Variants in MDH1B observed in about 807,000 individuals in gnomAD.
MDH1B encodes the protein putative malate dehydrogenase 1B.
MDH1B carries 60 observed loss-of-function variants against 61.4 expected under a neutral mutation model. The observed-to-expected ratio is 0.98, with a 90% CI of 0.79 to 1.21. MDH1B has a LOEUF of 1.21. Ranked by LOEUF, MDH1B falls within the 50% of genes most tolerant of loss-of-function variation. MDH1B has a pLI of 0.00. For missense variants in MDH1B, 587 were observed against 632.1 expected (o/e 0.93, Z 0.76); for synonymous variants, 236 against 218.7 (o/e 1.08, Z -0.70).
At chr2:206,750,247 T>C (rs1000732735) in intron 6 of MDH1B, among the ~76,000 whole-genome samples, 1 of 151,804 alleles carries the variant, frequency 6.6e-6, no homozygotes, top group Non-Finnish European at 1.5e-5. Flanking sequence ...CTAGTGCTTA[T>C]TGTACAGACA....
chr2:206,739,630 G>T lies in MDH1B; in HGVS notation c.1491C>A (p.Thr497=). The part of the protein sequence containing the change: ...AAEFPNQIPQ[T]TFEKPQSLEF... ...CAAGACTCTGTGGCTTTTCAAAGGT[G>T]GTTTGAGGAATCTGATTTGGAAACT... is the stretch of plus-strand genomic sequence containing the variant. Residue 497 remains threonine, a synonymous_variant, in exon 11 of 12, where the codon ACC becomes ACA. Coordinates refer to ENST00000374412, the MANE Select transcript of MDH1B (RefSeq NM_001039845.3). 1.9e-6 allele frequency: 3 copies of T among 1,613,952 alleles called. No homozygotes were observed. The highest frequency in any genetic ancestry group is 2.7e-5 in the African/African-American group (2 of 75,042).
At position 206,742,023 on chromosome 2, in the gene MDH1B, G is replaced by A. The variant is rs534589441; in HGVS notation, c.1409-919C>T. Reference sequence around the variant, plus strand: ...TAGTGACTCTATACATAATACCTTTGACCATATGTGGTGAACAAAGGAACA... The same window carrying A: ...TAGTGACTCTATACATAATACCTTTAACCATATGTGGTGAACAAAGGAACA... On this transcript the variant is annotated intron_variant, in intron 9 of 11. Coordinates refer to ENST00000374412, the MANE Select transcript of MDH1B (RefSeq NM_001039845.3). 6.0e-5 allele frequency among the ~76,000 whole-genome samples: 9 copies of A among 149,480 alleles called. No individual in the cohort carries two copies. The South Asian group carries it at 1.7e-3, about 28-fold the overall frequency.
At chr2:206,760,661 G>A (rs966641201) in intron 2 of MDH1B, among the ~76,000 whole-genome samples, 1 of 152,144 alleles carries the variant, frequency 6.6e-6, no homozygotes, top group East Asian at 1.9e-4. Context: ...TCTTCAGGGG[G>A]TGCAGTCAAA....
intron 5 of MDH1B, 125 bp from the exon 6 acceptor site, chr2:206,751,200 T>A (rs574081791): frequency 3.1e-6 from 2 of 648,610 alleles, no homozygotes; most frequent in East Asian, 5.8e-5. Flanking sequence ...ATAAAATGAA[T>A]CTAGGTTTAT....
At chr2:206,756,726 AAC>A (rs143716443) in intron 4 of MDH1B, 170 bp downstream of exon 4, 464 of 631,442 alleles carry the variant, frequency 7.3e-4, no homozygotes, top group South Asian at 1.0e-3. Context: ...GGAGGATACA[AAC>A]ACACACACAC....
Position 206,739,632 on chromosome 2 carries a change from T to C in MDH1B, c.1489A>G (p.Thr497Ala). The C allele has an allele frequency of 6.2e-7, 1 of 1,614,000 alleles. No individual in the cohort carries two copies. Among genetic ancestry groups the C allele is most frequent in the Non-Finnish European group, 8.5e-7 (1 of 1,179,946 alleles). The change falls in exon 11 of 12, where the codon ACC (threonine) becomes GCC (alanine). Residue 497 changes from threonine (T) to alanine (A), a missense_variant. Thr to Ala is a moderately conservative substitution (Grantham distance 58, BLOSUM62 0). Coordinates refer to ENST00000374412, the MANE Select transcript of MDH1B (RefSeq NM_001039845.3). ...AGACTCTGTGGCTTTTCAAAGGTGG[T>C]TTGAGGAATCTGATTTGGAAACTCT... ...AAEFPNQIPQ[T>A]TFEKPQSLEF...
At position 206,739,673 on chromosome 2, in the gene MDH1B, G is replaced by A; in HGVS notation, c.1460-12C>T. 1.2e-6 allele frequency: 2 copies of A among 1,612,948 alleles called. No homozygotes were observed. The highest frequency in any genetic ancestry group is 2.2e-5 in the East Asian group (1 of 44,852). On this transcript the variant is annotated splice_polypyrimidine_tract_variant and intron_variant, in intron 10 of 11. Transcript: ENST00000374412. ...TGGAAACTCTGCTGCTGCAAATAGAGTTAAAAGAATAGTTTTTAGTATGTA... is the reference window on the plus strand; with the variant it reads ...TGGAAACTCTGCTGCTGCAAATAGAATTAAAAGAATAGTTTTTAGTATGTA...
intron 5 of MDH1B, among the ~76,000 whole-genome samples, chr2:206,753,264 GA>G (rs1474716638): frequency 6.6e-6 from 1 of 152,100 alleles, no homozygotes. Flanking sequence ...GTTATGTGGG[GA>G]AAAAAGTTCT....
intron 9 of MDH1B, chr2:206,745,281 C>T (rs1385721017): frequency 1.5e-5 from 7 of 451,664 alleles, no homozygotes; most frequent in African/African-American, 8.0e-5. Context: ...TGATACCTCA[C>T]ATCAGGTCTT....
intron 5 of MDH1B, among the ~76,000 whole-genome samples, chr2:206,751,357 T>C (rs1157693598): frequency 6.6e-6 from 1 of 152,132 alleles, no homozygotes; most frequent in Non-Finnish European, 1.5e-5. Flanking sequence ...TACTGAAAAT[T>C]ATTTCACTGG....
intron 6 of MDH1B, among the ~76,000 whole-genome samples, chr2:206,750,610 A>G (rs1688380953): frequency 6.6e-6 from 1 of 151,924 alleles, no homozygotes; most frequent in Non-Finnish European, 1.5e-5. Flanking sequence ...AAACGTTTCA[A>G]TTAATTTCAA....
At chr2:206,748,718 T>C (rs1208265484) in intron 7 of MDH1B, among the ~76,000 whole-genome samples, 2 of 152,244 alleles carry the variant, frequency 1.3e-5, no homozygotes, top group Admixed American at 6.5e-5. Flanking sequence ...TCCCTTTATC[T>C]ATTGCTAGGA....
chr2:206,752,554 AG>A lies in MDH1B; in HGVS notation c.911-1480del, dbSNP rs1234649580. ...AGCTGCAGGTTGTAGGAGGGTGGGG[AG>A]GGTGGGAGTCAGGGTTTGGAGCTCA... On this transcript the variant is annotated intron_variant, in intron 5 of 11. Transcript: ENST00000374412. 1.9e-3 allele frequency among the ~76,000 whole-genome samples: 263 copies of A among 142,004 alleles called. 3 individuals are homozygous for A. Among genetic ancestry groups the A allele is most frequent in the African/African-American group, 6.1e-3 (245 of 39,904 alleles). The allele number at this position is 142,004 out of a possible 152,430, so 93.2% of individuals were successfully genotyped here.
intron 3 of MDH1B, 33 bp from the exon 4 acceptor site, chr2:206,757,073 A>G (rs757325529): frequency 2.1e-5 from 33 of 1,598,430 alleles, no homozygotes; most frequent in Non-Finnish European, 2.8e-5. Context: ...TCAATATCAG[A>G]GAATAGATAA....
chr2:206,748,206 C>T (rs1267240245), intron 7 of MDH1B, among the ~76,000 whole-genome samples: 1 of 152,158 alleles, frequency 6.6e-6, no homozygotes, highest in African/African-American at 2.4e-5. Flanking sequence ...TGGTGAAACC[C>T]CATCTCTACT....
intron 2 of MDH1B, among the ~76,000 whole-genome samples, chr2:206,760,652 C>A (rs535764895): frequency 1.3e-5 from 2 of 152,270 alleles, no homozygotes; most frequent in African/African-American, 4.8e-5. Flanking sequence ...TACCTGGATT[C>A]TTCAGGGGGT....
chr2:206,759,933 G>A (rs770855542), intron 2 of MDH1B, among the ~76,000 whole-genome samples: 4 of 152,240 alleles, frequency 2.6e-5, no homozygotes, highest in Non-Finnish European at 4.4e-5. Context: ...AAGAGAGGGA[G>A]AGAAAAGGTG....
intron 9 of MDH1B, among the ~76,000 whole-genome samples, chr2:206,742,086 A>G (rs1361691001): frequency 6.6e-6 from 1 of 152,208 alleles, no homozygotes; most frequent in African/African-American, 2.4e-5. Flanking sequence ...TTCAGTGGAC[A>G]AAGTGATGAA....
intron 5 of MDH1B, among the ~76,000 whole-genome samples, chr2:206,754,428 A>G (rs192435093): frequency 8.1e-4 from 124 of 152,322 alleles, no homozygotes; most frequent in African/African-American, 2.9e-3. Context: ...TCAAAGATTA[A>G]TAGGAGCAGA....
Sources: allele counts gnomAD v4.1 joint callset (sites outside exome capture counted in the v4.1 genomes callset), GRCh38; gene constraint gnomAD v4.1.1; transcripts MANE v1.5; gene names NCBI Gene and HGNC (gene_info 2026-07-23, HGNC 2026-07-21).